ANXA6: variants seen among roughly 807,000 people sequenced by gnomAD.
The protein encoded by ANXA6 is annexin A6.
ANXA6 carries 71 observed loss-of-function variants against 95.4 expected under a neutral mutation model. The observed-to-expected ratio is 0.74, with a 90% CI of 0.61 to 0.91. ANXA6 has a LOEUF of 0.91. Among genes scored for constraint, ANXA6 ranks in the 40% least tolerant of loss-of-function variants. The probability of loss-of-function intolerance (pLI) is 0.00; values close to 1 mark genes in which losing one functional copy is unlikely to be tolerated. For missense variants in ANXA6, 830 were observed against 876.4 expected (o/e 0.95, Z 0.67); for synonymous variants, 289 against 315.9 (o/e 0.91, Z 0.90).
intron 17 of ANXA6, among the ~76,000 whole-genome samples, chr5:151,119,933 G>A (rs1466529293): frequency 1.3e-5 from 2 of 152,140 alleles, no homozygotes; most frequent in African/African-American, 4.8e-5. Context: ...AGGCTGGAGT[G>A]CAGTGGCATG....
At chr5:151,152,884 A>C (rs571197356) in intron 1 of ANXA6, among the ~76,000 whole-genome samples, 63 of 152,292 alleles carry the variant, frequency 4.1e-4, no homozygotes, top group African/African-American at 1.4e-3. Flanking sequence ...GCTGTGGAGG[A>C]ACAGAGTACA....
intron 15 of ANXA6, among the ~76,000 whole-genome samples, chr5:151,123,313 TG>T (rs1765224089): frequency 6.6e-6 from 1 of 152,204 alleles, no homozygotes; most frequent in African/African-American, 2.4e-5. Context: ...CTGCCCACCC[TG>T]GGCAAGTCCC....
Position 151,129,403 on chromosome 5 carries a change from T to C in ANXA6, c.918+4A>G. ...CCTTCTCTGCCCCCATGAGCTCTGC[T>C]GACCTTGATCATGCTGTAGAGGGAC... On this transcript the variant is annotated splice_donor_region_variant and intron_variant, in intron 12 of 25. Transcript: ENST00000354546. The C allele has an allele frequency of 1.2e-6, 2 of 1,613,434 alleles. No homozygotes were observed. The highest frequency in any genetic ancestry group is 1.7e-6 in the Non-Finnish European group (2 of 1,179,872).
At chr5:151,111,860 C>A (rs1764859067) in intron 20 of ANXA6, among the ~76,000 whole-genome samples, 1 of 152,202 alleles carries the variant, frequency 6.6e-6, no homozygotes, top group Non-Finnish European at 1.5e-5. Context: ...GCGATCTCAG[C>A]TCACTGCAAC....
At chr5:151,124,553 G>A (rs62379665) in intron 14 of ANXA6, among the ~76,000 whole-genome samples, 186 bp from the exon 15 acceptor site, 2 of 114,496 alleles carry the variant, frequency 1.7e-5, no homozygotes, top group African/African-American at 3.7e-5. Flanking sequence ...GAGAGAGAGA[G>A]AGAGAGAGAA....
intron 17 of ANXA6, among the ~76,000 whole-genome samples, chr5:151,121,032 T>C (rs993102438): frequency 6.6e-6 from 1 of 152,386 alleles, no homozygotes; most frequent in East Asian, 1.9e-4. Context: ...CCTGTGTCTT[T>C]AGATCGTTTG....
intron 17 of ANXA6, among the ~76,000 whole-genome samples, chr5:151,120,980 G>T (rs1216054285): frequency 6.6e-6 from 1 of 151,108 alleles, no homozygotes; most frequent in Non-Finnish European, 1.5e-5. Flanking sequence ...AAATGGAAAG[G>T]ATTCAGTTGG....
chr5:151,140,226 G>GC lies in ANXA6; in HGVS notation c.35dup (p.Ser13LeufsTer4), dbSNP rs1394313364. ...CAAAGCCTGGGAAGTCATGGATGGA[G>GC]CCCCGGTACTTGGCACCCTGTGGAG... On this transcript the variant is annotated frameshift_variant, in exon 3 of 26. Coordinates refer to ENST00000354546, the MANE Select transcript of ANXA6 (RefSeq NM_001155.5). LOFTEE classifies it high-confidence loss of function. 6.2e-7 allele frequency: 1 copy of GC among 1,613,926 alleles called. No homozygotes were observed. The highest frequency in any genetic ancestry group is 1.1e-5 in the South Asian group (1 of 91,082).
intron 1 of ANXA6, among the ~76,000 whole-genome samples, chr5:151,150,252 G>A (rs1282132455): frequency 6.6e-6 from 1 of 152,136 alleles, no homozygotes; most frequent in Non-Finnish European, 1.5e-5. Flanking sequence ...CATATTCCCT[G>A]TTCCCCCAAG....
At chr5:151,138,041 T>A (rs1288265498) in intron 5 of ANXA6, among the ~76,000 whole-genome samples, 2 of 152,192 alleles carry the variant, frequency 1.3e-5, no homozygotes, top group South Asian at 2.1e-4. Flanking sequence ...AAGATAATAA[T>A]CTCACATTGC....
At chr5:151,142,440 T>C (rs1191553976) in intron 2 of ANXA6, among the ~76,000 whole-genome samples, 2 of 151,100 alleles carry the variant, frequency 1.3e-5, no homozygotes, top group Non-Finnish European at 2.9e-5. Context: ...ATCGCATCAC[T>C]GCATTCCAGC....
chr5:151,113,814 A>T (rs1482815998), intron 20 of ANXA6, among the ~76,000 whole-genome samples: 1 of 152,266 alleles, frequency 6.6e-6, no homozygotes, highest in Admixed American at 6.5e-5. Context: ...TGTGCACACA[A>T]AAACTTGTAC....
intron 12 of ANXA6, chr5:151,128,486 G>T: frequency 2.1e-6 from 1 of 478,428 alleles, no homozygotes; most frequent in Non-Finnish European, 3.8e-6. Flanking sequence ...ACAATTTCAA[G>T]TTACCAATAT....
rs1346176456 is a variant in ANXA6, at chr5:151,126,709, C to T, written c.978-229G>A. Among the ~76,000 whole-genome samples, 2 of 147,194 alleles carry T rather than the reference C, an allele frequency of 1.4e-5. 1 individual carries two copies. On this transcript the variant is annotated intron_variant, in intron 13 of 25. Transcript: ENST00000354546. Reference sequence around the variant, plus strand: ...TCTCTTGAGACCCCCTGCAATGCTGCCTTTTTTATTTTTTATTTTTATTTG... The same window carrying T: ...TCTCTTGAGACCCCCTGCAATGCTGTCTTTTTTATTTTTTATTTTTATTTG...
At chr5:151,117,960 G>T in intron 18 of ANXA6, 123 bp from the exon 19 acceptor site, 1 of 755,152 alleles carries the variant, frequency 1.3e-6, no homozygotes, top group Non-Finnish European at 2.3e-6. Context: ...GGGGATGAAA[G>T]GGTTTGTAAC....
At chr5:151,119,458 C>A in intron 17 of ANXA6, 68 bp from the exon 18 acceptor site, 1 of 1,389,034 alleles carries the variant, frequency 7.2e-7, no homozygotes, top group South Asian at 1.2e-5. Context: ...CCATGGGGCC[C>A]GGACGGCTAA....
At chr5:151,147,381 A>G (rs1299574437) in intron 2 of ANXA6, among the ~76,000 whole-genome samples, 2 of 152,232 alleles carry the variant, frequency 1.3e-5, no homozygotes, top group Non-Finnish European at 2.9e-5. Context: ...GCTCCAAGAA[A>G]GAACAGGTTA....
In ANXA6 at chr5:151,128,164, G is replaced by T. The variant is rs1208059670; in HGVS notation, c.977+17C>A. On this transcript the variant is annotated intron_variant, in intron 13 of 25. Transcript: ENST00000354546. ...CCAAGGCCATGCCCTCCAGCCAGGG[G>T]CCAAGAAGCCACTTACTCATCATCT... 1.2e-6 allele frequency: 2 copies of T among 1,608,716 alleles called. No homozygotes were observed. The highest frequency in any genetic ancestry group is 1.3e-5 in the African/African-American group (1 of 74,794).
intron 20 of ANXA6, among the ~76,000 whole-genome samples, chr5:151,115,836 A>T (rs974399721): frequency 6.6e-6 from 1 of 152,258 alleles, no homozygotes; most frequent in Non-Finnish European, 1.5e-5. Flanking sequence ...ACTGGACAAC[A>T]ACAGCTATTT....
Sources: allele counts gnomAD v4.1 joint callset (sites outside exome capture counted in the v4.1 genomes callset), GRCh38; gene constraint gnomAD v4.1.1; transcripts MANE v1.5; gene names NCBI Gene and HGNC (gene_info 2026-07-23, HGNC 2026-07-21).